ADGRL2: variants seen among roughly 807,000 people sequenced by gnomAD.
ADGRL2 encodes the protein adhesion G protein-coupled receptor L2.
ADGRL2 carries 44 observed loss-of-function variants against 157.4 expected under a neutral mutation model. That is an observed-to-expected ratio of 0.28 (90% CI 0.22 to 0.36). The LOEUF is 0.36. Ranked by LOEUF, ADGRL2 falls within the 10% of genes least tolerant of loss-of-function variation. ADGRL2 has a pLI of 1.00. For missense variants in ADGRL2, 1,510 were observed against 1,768.9 expected (o/e 0.85, Z 2.63); for synonymous variants, 585 against 624.7 (o/e 0.94, Z 0.95).
intron 3 of ADGRL2, among the ~76,000 whole-genome samples, chr1:81,613,982 A>G (rs2081593585): frequency 6.6e-6 from 1 of 152,106 alleles, no homozygotes. Context: ...CTGTGATTTT[A>G]ATGTGTTTTC....
chr1:81,397,096 A>C (rs574778759), intron 1 of ADGRL2, among the ~76,000 whole-genome samples: 1 of 152,278 alleles, frequency 6.6e-6, no homozygotes, highest in Non-Finnish European at 1.5e-5. Flanking sequence ...CAGTGAAGCC[A>C]TCAGGTCCTG....
chr1:81,823,913 T>C (rs2091231505), intron 1 of ADGRL2, among the ~76,000 whole-genome samples: 1 of 152,112 alleles, frequency 6.6e-6, no homozygotes, highest in Non-Finnish European at 1.5e-5. Context: ...CTTCCTCAAG[T>C]GTAGATATAT....
At chr1:81,767,081 T>G (rs762586690) in intron 2 of ADGRL2, among the ~76,000 whole-genome samples, 3 of 152,098 alleles carry the variant, frequency 2.0e-5, no homozygotes, top group African/African-American at 4.8e-5. Flanking sequence ...TGTTTATGTT[T>G]TGCAACAATA....
At chr1:81,463,169 T>G (rs545421527) in intron 2 of ADGRL2, among the ~76,000 whole-genome samples, 1 of 151,854 alleles carries the variant, frequency 6.6e-6, no homozygotes, top group Admixed American at 6.6e-5. Flanking sequence ...GTGTAAACTT[T>G]GTAGGAAGTA....
At chr1:81,602,704 G>A (rs1363622978) in intron 3 of ADGRL2, among the ~76,000 whole-genome samples, 3 of 152,030 alleles carry the variant, frequency 2.0e-5, no homozygotes, top group Non-Finnish European at 4.4e-5. Context: ...TTCAAGACCA[G>A]CCTGGCCAAC....
intron 4 of ADGRL2, among the ~76,000 whole-genome samples, chr1:81,940,812 A>G (rs1218829774): frequency 6.6e-6 from 1 of 151,606 alleles, no homozygotes; most frequent in Non-Finnish European, 1.5e-5. Flanking sequence ...AACATACTTC[A>G]AGCCTATATA....
intron 2 of ADGRL2, among the ~76,000 whole-genome samples, chr1:81,778,171 A>C (rs887502846): frequency 1.3e-5 from 2 of 151,276 alleles, no homozygotes; most frequent in African/African-American, 4.9e-5. Flanking sequence ...ATACAAAAAA[A>C]ATTAGCCAAG....
intron 2 of ADGRL2, among the ~76,000 whole-genome samples, chr1:81,447,259 ATAG>A (rs1443745821): frequency 6.6e-6 from 1 of 152,194 alleles, no homozygotes; most frequent in Admixed American, 6.5e-5. Context: ...TTCAGTAAAC[ATAG>A]TAGATCTTAA....
chr1:81,504,698 G>A (rs979639814), intron 2 of ADGRL2, among the ~76,000 whole-genome samples: 11 of 151,976 alleles, frequency 7.2e-5, no homozygotes, highest in African/African-American at 1.5e-4. Flanking sequence ...ACACTGGGTC[G>A]GGCCCTGAAA....
At chr1:81,521,983 G>C (rs1297777852) in intron 2 of ADGRL2, among the ~76,000 whole-genome samples, 1 of 85,294 alleles carries the variant, frequency 1.2e-5, no homozygotes, top group African/African-American at 6.0e-5. Flanking sequence ...TTTTTTTTTT[G>C]AGAAAGAGAC....
At chr1:81,820,143 C>A (rs563097394) in intron 1 of ADGRL2, among the ~76,000 whole-genome samples, 27 of 152,248 alleles carry the variant, frequency 1.8e-4, no homozygotes, top group Non-Finnish European at 2.5e-4. Context: ...CCCTGAACAA[C>A]AACCCAAAGC....
intron 1 of ADGRL2, among the ~76,000 whole-genome samples, chr1:81,746,908 G>C (rs1360116134): frequency 1.4e-5 from 2 of 141,890 alleles, no homozygotes; most frequent in Non-Finnish European, 3.1e-5. Flanking sequence ...ATATACACAC[G>C]TGCACACGTA....
chr1:81,918,160 TAC>T (rs2094901495), intron 3 of ADGRL2, among the ~76,000 whole-genome samples: 3 of 152,202 alleles, frequency 2.0e-5, no homozygotes, highest in African/African-American at 7.2e-5. Context: ...GACACTTGTA[TAC>T]AGTTTTGTTA....
At chr1:81,445,686 A>C (rs1390057456) in intron 2 of ADGRL2, among the ~76,000 whole-genome samples, 1 of 152,164 alleles carries the variant, frequency 6.6e-6, no homozygotes, top group East Asian at 1.9e-4. Flanking sequence ...CTTACATAGG[A>C]TCTTTAATTC....
chr1:81,446,346 A>C (rs2077596851), intron 2 of ADGRL2, among the ~76,000 whole-genome samples: 1 of 152,140 alleles, frequency 6.6e-6, no homozygotes, highest in Admixed American at 6.5e-5. Flanking sequence ...CCTACAAAAC[A>C]AAAAGCCTTT....
intron 1 of ADGRL2, among the ~76,000 whole-genome samples, chr1:81,700,591 G>T (rs1329858472): frequency 2.0e-5 from 3 of 152,214 alleles, no homozygotes; most frequent in Non-Finnish European, 2.9e-5. Flanking sequence ...CTCTAATCAA[G>T]TGCGTGGTGT....
At position 81,542,040 on chromosome 1, in the gene ADGRL2, C is replaced by T. The variant is rs1322120138; in HGVS notation, c.-247-38836C>T. 2.0e-5 allele frequency among the ~76,000 whole-genome samples: 3 copies of T among 152,098 alleles called. No individual in the cohort carries two copies. The East Asian group carries it at 5.8e-4, about 29-fold the overall frequency. ...GTAACTTGCCTCAGACTTAAAGGTC[C>T]TCGATGAAAAGGGCTATAGTTTTGC... is the stretch of plus-strand genomic sequence containing the variant. On this transcript the variant is annotated intron_variant, in intron 2 of 24. Coordinates refer to the ADGRL2 transcript ENST00000370721.
chr1:81,393,079 G>A (rs981538220), intron 1 of ADGRL2, among the ~76,000 whole-genome samples: 10 of 152,114 alleles, frequency 6.6e-5, no homozygotes, highest in Admixed American at 3.9e-4. Context: ...ATAAGTTCCA[G>A]CTGTTTGTTC....
chr1:81,557,020 T>C, intron 2 of ADGRL2: 1 of 67,734 alleles, frequency 1.5e-5, no homozygotes. Flanking sequence ...GGACTCCGTC[T>C]CAAAAAAAAA....
Sources: gnomAD v4.1 joint callset for allele counts (sites outside exome capture counted in the v4.1 genomes callset) on GRCh38, gnomAD v4.1.1 for gene constraint, MANE v1.5 for transcripts, NCBI Gene and HGNC (gene_info 2026-07-23, HGNC 2026-07-21) for gene names.